Variants in DOCK9 observed in about 807,000 individuals in gnomAD.
DOCK9 encodes dedicator of cytokinesis 9.
DOCK9 carries 89 observed loss-of-function variants against 263.3 expected under a neutral mutation model. The observed-to-expected ratio is 0.34, with a 90% CI of 0.28 to 0.40. DOCK9 has a LOEUF of 0.40. Ranked by LOEUF, DOCK9 falls within the 10% of genes least tolerant of loss-of-function variation. The pLI, the probability that DOCK9 is intolerant of heterozygous loss-of-function variation, is 1.00. For missense variants in DOCK9, 2,140 were observed against 2,603.4 expected, an observed-to-expected ratio of 0.82 and a Z score of 3.87; for synonymous variants, 976 against 973.1, an observed-to-expected ratio of 1.00 and a Z score of -0.06.
chr13:99,069,771 T>G (rs1233931654), intron 1 of DOCK9, among the ~76,000 whole-genome samples: 1 of 152,226 alleles, frequency 6.6e-6, no homozygotes, highest in Non-Finnish European at 1.5e-5. Context: ...AAAAATATGT[T>G]TAATGATTCA....
At chr13:99,048,240 G>A (rs1192022639) in intron 1 of DOCK9, among the ~76,000 whole-genome samples, 1 of 152,170 alleles carries the variant, frequency 6.6e-6, no homozygotes, top group Non-Finnish European at 1.5e-5. Flanking sequence ...GCCAACAGCA[G>A]GATTTTCACC....
chr13:98,831,246 T>C (rs562201555), intron 41 of DOCK9, 102 bp downstream of exon 41: 3 of 1,297,174 alleles, frequency 2.3e-6, no homozygotes, highest in Non-Finnish European at 3.1e-6. Flanking sequence ...TCTTGCAGTA[T>C]CTTTATGACA....
At chr13:98,828,611 G>A (rs1302306817) in intron 43 of DOCK9, among the ~76,000 whole-genome samples, 1 of 152,194 alleles carries the variant, frequency 6.6e-6, no homozygotes, top group African/African-American at 2.4e-5. Context: ...GCTTGCTATT[G>A]TAATAATGTT....
chr13:99,021,922 A>G (rs1427531547), intron 1 of DOCK9, among the ~76,000 whole-genome samples: 1 of 152,174 alleles, frequency 6.6e-6, no homozygotes, highest in Non-Finnish European at 1.5e-5. Flanking sequence ...TGGCACACAT[A>G]TATTTATATA....
chr13:98,989,346 G>GATAATAATAATA (rs777442315), intron 1 of DOCK9, among the ~76,000 whole-genome samples: 3 of 60,070 alleles, frequency 5.0e-5, no homozygotes, highest in African/African-American at 9.6e-5. Flanking sequence ...TGATGATGAT[G>GATAATAATAATA]ATAATAATAA....
intron 52 of DOCK9, among the ~76,000 whole-genome samples, chr13:98,795,361 G>A (rs1302263759): frequency 6.6e-6 from 1 of 152,190 alleles, no homozygotes; most frequent in Non-Finnish European, 1.5e-5. Flanking sequence ...CATGCCCAGT[G>A]GTGCCTGGAA....
At chr13:98,868,992 G>A (rs2142121035) in intron 27 of DOCK9, among the ~76,000 whole-genome samples, 1 of 152,332 alleles carries the variant, frequency 6.6e-6, no homozygotes, top group East Asian at 1.9e-4. Context: ...GGCAGCGGGT[G>A]CAGGGAGAAG....
At chr13:98,993,288 C>A (rs1277620369) in intron 1 of DOCK9, among the ~76,000 whole-genome samples, 1 of 152,186 alleles carries the variant, frequency 6.6e-6, no homozygotes, top group Admixed American at 6.5e-5. Flanking sequence ...GTATGAGACT[C>A]CAAATTCCTA....
chr13:98,861,568 A>C (rs946101001), intron 32 of DOCK9, among the ~76,000 whole-genome samples: 1 of 152,202 alleles, frequency 6.6e-6, no homozygotes, highest in African/African-American at 2.4e-5. Context: ...TACTAATTAG[A>C]AATTATTATA....
intron 9 of DOCK9, among the ~76,000 whole-genome samples, chr13:98,913,422 T>C (rs1346190268): frequency 2.0e-5 from 3 of 151,912 alleles, no homozygotes; most frequent in African/African-American, 4.8e-5. Flanking sequence ...TTGTTTATAA[T>C]AGAAAAAAAT....
In DOCK9 at chr13:98,867,975, T is replaced by C. The variant is rs751492882; in HGVS notation, c.3127A>G (p.Lys1043Glu). ...CAGCTAATGTAGTTGTTGATCTGCT[T>C]GAAGACAAAGCCCCTGTCCATGAAG... is the stretch of plus-strand genomic sequence containing the variant. ...FTFMDRGFVF[K>E]QINNYISCFA... Residue 1043 changes from lysine to glutamate, a missense_variant, in exon 29 of 53, where the codon AAG (lysine) becomes GAG (glutamate). This residue lies in a region of DOCK9 where 1,521 missense variants were observed against 1,741.7 expected (regional missense o/e 0.87). Transcript: ENST00000682017. 6 of 1,613,642 alleles carry C rather than the reference T, an allele frequency of 3.7e-6. No homozygotes were observed. Among genetic ancestry groups the C allele is most frequent in the Non-Finnish European group, 4.2e-6 (5 of 1,179,832 alleles).
chr13:99,080,849 A>G (rs915496980), intron 1 of DOCK9, among the ~76,000 whole-genome samples: 8 of 152,100 alleles, frequency 5.3e-5, no homozygotes, highest in African/African-American at 1.4e-4. Context: ...TAAACCCTAC[A>G]CGGGCAAGGG....
intron 1 of DOCK9, among the ~76,000 whole-genome samples, chr13:99,023,575 G>A (rs1486321525): frequency 6.6e-6 from 1 of 152,246 alleles, no homozygotes; most frequent in Non-Finnish European, 1.5e-5. Flanking sequence ...GCACAGCAAT[G>A]TGAATGTACC....
At chr13:98,901,709 T>C (rs2048305977) in intron 13 of DOCK9, 69 bp downstream of exon 13, 14 of 1,537,814 alleles carry the variant, frequency 9.1e-6, no homozygotes, top group Middle Eastern at 1.7e-4. Flanking sequence ...ATTAAGGATT[T>C]ATAGTATCAC....
At chr13:98,891,309 C>A (rs1045938250) in intron 15 of DOCK9, among the ~76,000 whole-genome samples, 1 of 152,136 alleles carries the variant, frequency 6.6e-6, no homozygotes, top group African/African-American at 2.4e-5. Context: ...GCCTTGCTCA[C>A]CTCTTCAGTG....
intron 9 of DOCK9, among the ~76,000 whole-genome samples, chr13:98,908,748 G>C (rs2049514576): frequency 6.6e-6 from 1 of 152,214 alleles, no homozygotes; most frequent in Non-Finnish European, 1.5e-5. Context: ...ATTAACTTCA[G>C]TGTTCTCAGG....
chr13:99,001,384 C>A (rs1261262538), intron 1 of DOCK9, among the ~76,000 whole-genome samples: 1 of 152,204 alleles, frequency 6.6e-6, no homozygotes, highest in Non-Finnish European at 1.5e-5. Flanking sequence ...GTCCTGTTGA[C>A]AATCTAAATG....
intron 1 of DOCK9, among the ~76,000 whole-genome samples, chr13:99,047,517 CTTTTT>C (rs80048308): frequency 3.9e-5 from 5 of 127,020 alleles, no homozygotes; most frequent in South Asian, 2.6e-4. Context: ...GGTTCTAATC[CTTTTT>C]TTTTTTTTTT....
At chr13:98,800,628 G>C (rs761730388) in intron 49 of DOCK9, 150 bp from the exon 50 acceptor site, 64 of 851,152 alleles carry the variant, frequency 7.5e-5, no homozygotes, top group Non-Finnish European at 1.1e-4. Context: ...ACACATACTA[G>C]TACTTGATGG....
Sources: allele counts gnomAD v4.1 joint callset (sites outside exome capture counted in the v4.1 genomes callset), GRCh38; gene constraint gnomAD v4.1.1; regional missense constraint gnomAD v4.1.1; transcripts MANE v1.5; gene names NCBI Gene and HGNC (gene_info 2026-07-23, HGNC 2026-07-21).